FREM2: variants seen among roughly 807,000 people sequenced by gnomAD.
The protein encoded by FREM2 is FRAS1 related extracellular matrix 2, also known as FRAS1-related extracellular matrix protein 2.
A neutral mutation model predicts 219.9 loss-of-function variants in FREM2; 119 were observed. The ratio of observed to expected loss-of-function variants is 0.54; its 90% CI spans 0.47 to 0.63. The LOEUF is 0.63. FREM2 is among the 30% of genes least tolerant of loss of function. FREM2 has a pLI of 0.00. For synonymous variants in FREM2, 1,562 were observed against 1,522.8 expected (o/e 1.03, Z -0.60); for missense variants, 4,030 against 3,993.6 (o/e 1.01, Z -0.25).
intron 2 of FREM2, among the ~76,000 whole-genome samples, chr13:38,706,447 AG>A (rs1195379723): frequency 6.6e-6 from 1 of 152,222 alleles, no homozygotes; most frequent in African/African-American, 2.4e-5. Context: ...TGTACCTTTG[AG>A]AAAACTAGTA....
chr13:38,849,658 A>G (rs1273205544), intron 8 of FREM2, among the ~76,000 whole-genome samples: 4 of 152,198 alleles, frequency 2.6e-5, no homozygotes, highest in Non-Finnish European at 4.4e-5. Context: ...CACACAGTCA[A>G]GTTACCTACA....
At chr13:38,723,930 C>T (rs1442684806) in intron 2 of FREM2, among the ~76,000 whole-genome samples, 1 of 152,178 alleles carries the variant, frequency 6.6e-6, no homozygotes, top group Non-Finnish European at 1.5e-5. Context: ...CAAGGTCATA[C>T]AGTAAGTAGC....
At chr13:38,877,651 G>A (rs183245873) in intron 21 of FREM2, among the ~76,000 whole-genome samples, 13 of 152,144 alleles carry the variant, frequency 8.5e-5, no homozygotes, top group African/African-American at 4.8e-5. Context: ...TGGCACTCAT[G>A]GTAGGGGTTC....
At chr13:38,708,124 A>G (rs1299936655) in intron 2 of FREM2, among the ~76,000 whole-genome samples, 2 of 152,208 alleles carry the variant, frequency 1.3e-5, no homozygotes, top group Non-Finnish European at 2.9e-5. Flanking sequence ...TAAGTGCTAT[A>G]TTCATGTTAG....
intron 8 of FREM2, 38 bp from the exon 9 acceptor site, chr13:38,850,000 A>T: frequency 6.4e-7 from 1 of 1,552,932 alleles, no homozygotes; most frequent in Non-Finnish European, 8.9e-7. Flanking sequence ...ATTTTCCACA[A>T]GGAAATTTCT....
intron 16 of FREM2, among the ~76,000 whole-genome samples, chr13:38,868,301 T>A (rs1006166849): frequency 4.6e-5 from 7 of 152,250 alleles, no homozygotes; most frequent in Non-Finnish European, 1.0e-4. Context: ...ACAATGATAG[T>A]TGTAATAGCT....
At chr13:38,842,128 A>C (rs913775848) in intron 6 of FREM2, among the ~76,000 whole-genome samples, 5 of 152,194 alleles carry the variant, frequency 3.3e-5, no homozygotes, top group Admixed American at 2.0e-4. Context: ...TAAGACATTC[A>C]AGATACTGGA....
At chr13:38,830,953 G>A (rs917369927) in intron 6 of FREM2, among the ~76,000 whole-genome samples, 11 of 152,068 alleles carry the variant, frequency 7.2e-5, no homozygotes, top group African/African-American at 1.2e-4. Context: ...TCCTTGACTC[G>A]GAGAAATGTT....
chr13:38,855,167 T>G lies in FREM2; in HGVS notation c.6926-959T>G, dbSNP rs115145473. Among the ~76,000 whole-genome samples, 728 of 152,268 alleles carry G rather than the reference T, an allele frequency of 4.8e-3. 6 individuals are homozygous for G. Among genetic ancestry groups the G allele is most frequent in the African/African-American group, 0.016 (673 of 41,560 alleles). ...TTTTTTTAGGATTCTAGATTTAACT[T>G]TCATGACAAAGAAGCAATTCTTTTT... On this transcript the variant is annotated intron_variant, in intron 11 of 23. Transcript: ENST00000280481.
At chr13:38,760,003 G>A (rs1301616314) in intron 2 of FREM2, among the ~76,000 whole-genome samples, 1 of 152,152 alleles carries the variant, frequency 6.6e-6, no homozygotes, top group Non-Finnish European at 1.5e-5. Flanking sequence ...TATCACTCTT[G>A]CGTAAGAAGT....
intron 6 of FREM2, among the ~76,000 whole-genome samples, chr13:38,843,813 C>G (rs1877049051): frequency 1.3e-5 from 2 of 151,868 alleles, no homozygotes; most frequent in Admixed American, 1.3e-4. Context: ...AGTTCTCACT[C>G]ATCTAACACT....
rs1266853266 is a variant in FREM2, at chr13:38,858,196, C to G, written c.7215+163C>G. Among the ~76,000 whole-genome samples, 3 of 152,052 alleles carry G rather than the reference C, an allele frequency of 2.0e-5. No homozygotes were observed. In the East Asian group the frequency reaches 5.8e-4, roughly 29 times the overall value. On this transcript the variant is annotated intron_variant, in intron 13 of 23. Transcript: ENST00000280481. ...ATATAACACTAATCAAATAAAGCTCCCATTTTTCTTTCTTCACCGAACAAA... is the reference window on the plus strand; with the variant it reads ...ATATAACACTAATCAAATAAAGCTCGCATTTTTCTTTCTTCACCGAACAAA...
Position 38,689,633 on chromosome 13 carries a change from G to T in FREM2, c.2289G>T (p.Leu763Phe). ...HLPAPLGTLV[L>F]TDNPSVVVTH... is the part of the protein sequence containing the mutation. ...CAGCCCCACTGGGTACCTTGGTCTT[G>T]ACTGACAACCCCTCAGTCGTGGTGA... The change falls in exon 1 of 24, where the codon TTG (leucine) becomes TTT (phenylalanine). Residue 763 changes from leucine to phenylalanine, a missense_variant. By Grantham distance (22) the Leu-to-Phe change is conservative (BLOSUM62 0). Around this residue, in one of 2 missense-constraint regions of FREM2, gnomAD observed 3,102 missense variants for 2,950.7 expected, o/e 1.05. Coordinates refer to ENST00000280481, the MANE Select transcript of FREM2 (RefSeq NM_207361.6). 1.2e-6 allele frequency: 2 copies of T among 1,614,006 alleles called. No individual in the cohort carries two copies. Among genetic ancestry groups the T allele is most frequent in the Non-Finnish European group, 1.7e-6 (2 of 1,179,992 alleles).
chr13:38,753,566 G>C (rs1242797583), intron 2 of FREM2, among the ~76,000 whole-genome samples: 2 of 152,196 alleles, frequency 1.3e-5, no homozygotes, highest in African/African-American at 4.8e-5. Context: ...TTAGAATACA[G>C]TGTTATACTT....
At chr13:38,871,423 T>C (rs910531314) in intron 16 of FREM2, among the ~76,000 whole-genome samples, 3 of 152,174 alleles carry the variant, frequency 2.0e-5, no homozygotes, top group Middle Eastern at 3.2e-3. Context: ...CCTAAGTCCT[T>C]TCCTCTTGTG....
chr13:38,691,994 G>C lies in FREM2; in HGVS notation c.4650G>C (p.Leu1550=). The C allele has an allele frequency of 6.2e-7, 1 of 1,614,254 alleles. No homozygotes were observed. The stretch of plus-strand genomic sequence containing the variant: ...TTGTCAGTGAAAGTGAAAACAAGCT[G>C]ATTACTCCTTTTGAGCTCACTGTCG... The part of the protein sequence containing the change: ...KLVVSESENK[L]ITPFELTVED... The change falls in exon 1 of 24, where the codon CTG becomes CTC. Residue 1550 remains leucine, a synonymous_variant. Transcript: ENST00000280481.
chr13:38,744,252 C>A (rs57385324), intron 2 of FREM2, among the ~76,000 whole-genome samples: 10,239 of 140,192 alleles, frequency 0.073, 500 homozygotes, highest in South Asian at 0.17. Context: ...GTTCTTCCCC[C>A]CAGGCTGGTG....
At chr13:38,867,273 T>C (rs1878003732) in intron 16 of FREM2, among the ~76,000 whole-genome samples, 3 of 152,258 alleles carry the variant, frequency 2.0e-5, no homozygotes, top group South Asian at 2.1e-4. Flanking sequence ...TTAAGGAAGA[T>C]GGCTAACTTG....
intron 2 of FREM2, among the ~76,000 whole-genome samples, chr13:38,750,809 C>T (rs1209829237): frequency 6.6e-6 from 1 of 152,110 alleles, no homozygotes; most frequent in Non-Finnish European, 1.5e-5. Flanking sequence ...TTCTCCTGCT[C>T]AGCCTCCCAA....
Sources: allele counts gnomAD v4.1 joint callset (sites outside exome capture counted in the v4.1 genomes callset), GRCh38; gene constraint gnomAD v4.1.1; regional missense constraint gnomAD v4.1.1; transcripts MANE v1.5; gene names NCBI Gene and HGNC (gene_info 2026-07-23, HGNC 2026-07-21).